Variants in CFAP92 observed in about 807,000 individuals in gnomAD.
CFAP92 encodes cilia and flagella associated protein 92 (putative), also known as uncharacterized protein CFAP92.
Under a neutral mutation model 106.3 loss-of-function variants are expected in CFAP92, and 86 were observed. The ratio of observed to expected loss-of-function variants is 0.81; its 90% confidence interval spans 0.68 to 0.97. CFAP92 has a LOEUF of 0.97. CFAP92 is among the 50% of genes least tolerant of loss of function. The pLI is 0.00. For missense variants in CFAP92, 1,204 were observed against 1,283.8 expected (o/e 0.94, Z 0.95); for synonymous variants, 477 against 506.4 (o/e 0.94, Z 0.78).
intron 9 of CFAP92, among the ~76,000 whole-genome samples, chr3:128,959,811 T>G (rs531188211): frequency 6.6e-6 from 1 of 152,254 alleles, no homozygotes; most frequent in South Asian, 2.1e-4. Flanking sequence ...AAAATACAGG[T>G]GATAACTGTC....
Position 128,972,521 on chromosome 3 carries a change from T to C in CFAP92, c.1022-1088A>G, listed in dbSNP as rs574904845. 1.1e-3 allele frequency among the ~76,000 whole-genome samples: 160 copies of C among 151,842 alleles called. 1 individual carries two copies. Among genetic ancestry groups the C allele is most frequent in the African/African-American group, 3.8e-3 (157 of 41,442 alleles). ...CCTCCCAAAGTGCTAGGATTACAGGTGTAAGCCACCGCACCTGGCCTCTTT... is the reference window on the plus strand; with the variant it reads ...CCTCCCAAAGTGCTAGGATTACAGGCGTAAGCCACCGCACCTGGCCTCTTT... On this transcript the variant is annotated intron_variant, in intron 7 of 15. Coordinates refer to ENST00000645291, the MANE Select transcript of CFAP92 (RefSeq NM_001394090.1).
At chr3:128,984,941 TAAGAC>T (rs1386870278) in intron 4 of CFAP92, among the ~76,000 whole-genome samples, 2 of 152,222 alleles carry the variant, frequency 1.3e-5, no homozygotes, top group African/African-American at 4.8e-5. Context: ...AGGCAGGACT[TAAGAC>T]AACATGTACA....
chr3:128,935,303 G>A lies in CFAP92; in HGVS notation c.2275C>T (p.His759Tyr), dbSNP rs1011256219. The change falls in exon 11 of 16, where the codon CAC becomes TAC. Residue 759 changes from histidine to tyrosine, a missense_variant. Physicochemically the swap from His to Tyr is moderately conservative, Grantham distance 83. Coordinates refer to ENST00000645291, the MANE Select transcript of CFAP92 (RefSeq NM_001394090.1). ...NHQSWIPRSE[H>Y]RKYKVLYNSQ... ...TTGTACAGCACCTTGTATTTCCTGTGTTCTGACCTGGGAATCCTGCAAGAG... is the reference window on the plus strand; with the variant it reads ...TTGTACAGCACCTTGTATTTCCTGTATTCTGACCTGGGAATCCTGCAAGAG... 2.0e-6 allele frequency: 3 copies of A among 1,514,456 alleles called. No individual in the cohort carries two copies. The highest frequency in any genetic ancestry group is 1.4e-5 in the African/African-American group (1 of 72,582). The allele number at this position is 1,514,456 out of a possible 1,614,324, so 93.8% of individuals were successfully genotyped here.
intron 10 of CFAP92, among the ~76,000 whole-genome samples, chr3:128,936,213 G>A (rs950371446): frequency 2.0e-5 from 3 of 152,256 alleles, no homozygotes; most frequent in African/African-American, 7.2e-5. Flanking sequence ...TGAACCTGGT[G>A]AAGTCTACAA....
At chr3:128,974,038 C>T (rs575410997) in intron 7 of CFAP92, among the ~76,000 whole-genome samples, 9 of 152,214 alleles carry the variant, frequency 5.9e-5, no homozygotes, top group East Asian at 5.8e-4. Context: ...ACTTTTAATC[C>T]GGAAAAGACA....
chr3:128,976,135 AT>A (rs1282200210), intron 6 of CFAP92, among the ~76,000 whole-genome samples: 1 of 152,142 alleles, frequency 6.6e-6, no homozygotes, highest in Non-Finnish European at 1.5e-5. Flanking sequence ...GAAATTCTCC[AT>A]TTCTACCAAA....
Position 128,932,862 on chromosome 3 carries a change from C to G in CFAP92, c.2589G>C (p.Glu863Asp), listed in dbSNP as rs1192727071. 9.1e-6 allele frequency: 14 copies of G among 1,536,208 alleles called. No individual in the cohort carries two copies. The highest frequency in any genetic ancestry group is 1.2e-5 in the Non-Finnish European group (14 of 1,146,926). Residue 863 changes from glutamate to aspartate, a missense_variant, in exon 12 of 16, where the codon GAG (glutamate) becomes GAC (aspartate). Coordinates refer to ENST00000645291, the MANE Select transcript of CFAP92 (RefSeq NM_001394090.1). Reference protein sequence around the residue: ...MPLSQEELTDEKLFALPPQPA... With the variant: ...MPLSQEELTDDKLFALPPQPA... ...GCTGAGGTGGTAGGGCAAACAGTTT[C>G]TCATCTGTGAGTTCTTCTTGCGAAA...
the CFAP92 span, among the ~76,000 whole-genome samples, chr3:129,026,631 G>C: frequency 5.3e-5 from 8 of 152,106 alleles, no homozygotes; most frequent in Admixed American, 1.3e-4. Context: ...CTCCCTATGG[G>C]GCCATATAAC....
chr3:128,987,022 G>A (rs538708171), intron 4 of CFAP92, among the ~76,000 whole-genome samples: 1 of 152,202 alleles, frequency 6.6e-6, no homozygotes, highest in African/African-American at 2.4e-5. Flanking sequence ...TTAGCCGGGC[G>A]TGGTGGCGCA....
chr3:128,979,528 A>G (rs1265888115), intron 4 of CFAP92, among the ~76,000 whole-genome samples: 1 of 152,222 alleles, frequency 6.6e-6, no homozygotes, highest in Non-Finnish European at 1.5e-5. Flanking sequence ...TCACAATAGC[A>G]AAGACTTGAA....
intron 8 of CFAP92, chr3:128,968,764 T>C (rs1255123323): frequency 6.6e-6 from 1 of 152,326 alleles, no homozygotes; most frequent in African/African-American, 2.4e-5. Context: ...AGTTCTTACA[T>C]GTGAACCCCT....
At chr3:128,957,104 T>C (rs1342884411) in intron 9 of CFAP92, among the ~76,000 whole-genome samples, 2 of 152,156 alleles carry the variant, frequency 1.3e-5, no homozygotes, top group African/African-American at 2.4e-5. Flanking sequence ...AAGAATTTGT[T>C]TTCAGCAGAT....
At chr3:129,001,649 C>T (rs773592981) in intron 1 of CFAP92, 5 of 1,391,302 alleles carry the variant, frequency 3.6e-6, no homozygotes, top group South Asian at 1.6e-5. Flanking sequence ...TCAGCACGGG[C>T]GCGGAGGCCG....
rs750695994 is a variant in CFAP92, at chr3:128,993,100, C to T, written c.205G>A (p.Val69Met). 1.2e-6 allele frequency: 2 copies of T among 1,614,082 alleles called. No individual in the cohort carries two copies. The highest frequency in any genetic ancestry group is 1.7e-6 in the Non-Finnish European group (2 of 1,179,914). The change falls in exon 2 of 16, where the codon GTG (valine) becomes ATG (methionine). Residue 69 changes from valine (V) to methionine (M), a missense_variant. Physicochemically the swap from Val to Met is conservative, Grantham distance 21 (BLOSUM62 1). Coordinates refer to ENST00000645291, the MANE Select transcript of CFAP92 (RefSeq NM_001394090.1). ...SEPASTFSSD[V>M]PHVVPCKFTI... ...AATTTGCAGGGGACCACGTGGGGCA[C>T]GTCGGAGCTGAAAGTGCTGGCAGGC...
intron 11 of CFAP92, 90 bp from the exon 12 acceptor site, chr3:128,933,087 C>A: frequency 8.1e-7 from 1 of 1,233,418 alleles, no homozygotes; most frequent in Non-Finnish European, 1.1e-6. Flanking sequence ...AATGAACACT[C>A]AGAGGCTGCT....
At chr3:128,938,525 G>T (rs561221004) in intron 10 of CFAP92, among the ~76,000 whole-genome samples, 2 of 143,790 alleles carry the variant, frequency 1.4e-5, no homozygotes, top group Non-Finnish European at 3.0e-5. Context: ...ATGGAGTCTC[G>T]CTCTGTCTCC....
intron 11 of CFAP92, among the ~76,000 whole-genome samples, chr3:128,933,304 A>C (rs1938604996): frequency 6.6e-6 from 1 of 151,998 alleles, no homozygotes; most frequent in Non-Finnish European, 1.5e-5. Flanking sequence ...ACACAGCCCC[A>C]CCAGCTGCCC....
chr3:128,912,763 C>T (rs375296800), intron 15 of CFAP92: 43 of 779,202 alleles, frequency 5.5e-5, no homozygotes, highest in Middle Eastern at 2.2e-4. Flanking sequence ...CTGGGAGAGC[C>T]TCTTCCAGGT....
Position 128,923,868 on chromosome 3 carries a change from T to C in CFAP92, c.2752-7597A>G, listed in dbSNP as rs73862602. The stretch of plus-strand genomic sequence containing the variant: ...TAAAAGAGAAGGTTTTTGAAGCCTC[T>C]CAGGCTCACTTAGCCCTGCTCCCTG... On this transcript the variant is annotated intron_variant, in intron 12 of 15. Coordinates refer to ENST00000645291, the MANE Select transcript of CFAP92 (RefSeq NM_001394090.1). Among the ~76,000 whole-genome samples, 365 of 152,338 alleles carry C rather than the reference T, an allele frequency of 2.4e-3. 2 individuals are homozygous for C. The highest frequency in any genetic ancestry group is 8.3e-3 in the African/African-American group (347 of 41,580).
Sources: gnomAD v4.1 joint callset for allele counts (sites outside exome capture counted in the v4.1 genomes callset) on GRCh38, gnomAD v4.1.1 for gene constraint, MANE v1.5 for transcripts, NCBI Gene and HGNC (gene_info 2026-07-23, HGNC 2026-07-21) for gene names.